Variants in CTNNA3 observed in about 807,000 individuals in gnomAD.
CTNNA3 encodes the protein catenin alpha 3, also known as catenin alpha-3.
CTNNA3 carries 76 observed loss-of-function variants against 95.7 expected under a neutral mutation model. The observed-to-expected ratio is 0.79, with a 90% CI of 0.66 to 0.96. The LOEUF is 0.96. Ranked by LOEUF, CTNNA3 falls within the 40% of genes least tolerant of loss-of-function variation. CTNNA3 has a pLI of 0.00. For missense variants in CTNNA3, 1,191 were observed against 1,089.8 expected, an observed-to-expected ratio of 1.09 and a Z score of -1.31; for synonymous variants, 431 against 374.4, an observed-to-expected ratio of 1.15 and a Z score of -1.74.
intron 7 of CTNNA3, among the ~76,000 whole-genome samples, chr10:67,000,814 G>A (rs1442267216): frequency 6.6e-6 from 1 of 152,150 alleles, no homozygotes; most frequent in African/African-American, 2.4e-5. Flanking sequence ...GAATGCCAGT[G>A]CAATTCTGTA....
chr10:66,845,729 A>AAAC (rs1297933220), intron 7 of CTNNA3, among the ~76,000 whole-genome samples: 3,815 of 87,062 alleles, frequency 0.044, 371 homozygotes, highest in Non-Finnish European at 0.08. Context: ...AAAAAAAAAA[A>AAAC]CTAAAAAGGT....
At chr10:66,528,938 G>C (rs1841364471) in intron 10 of CTNNA3, among the ~76,000 whole-genome samples, 1 of 152,026 alleles carries the variant, frequency 6.6e-6, no homozygotes, top group Non-Finnish European at 1.5e-5. Flanking sequence ...GGGTGTATCT[G>C]ACACATCATT....
intron 5 of CTNNA3, among the ~76,000 whole-genome samples, chr10:67,513,065 G>A (rs935040820): frequency 6.6e-6 from 1 of 152,044 alleles, no homozygotes; most frequent in Non-Finnish European, 1.5e-5. Context: ...GCACCTCACC[G>A]CCTAATACAG....
intron 14 of CTNNA3, among the ~76,000 whole-genome samples, chr10:66,101,074 C>T (rs1458882730): frequency 6.6e-6 from 1 of 152,144 alleles, no homozygotes; most frequent in Non-Finnish European, 1.5e-5. Flanking sequence ...CCTTCAGTGG[C>T]ATCAGCCTGA....
rs372494576 is a variant in CTNNA3, at chr10:67,091,829, T to C, written c.1047+88488A>G. ...CTGACTTAATCTAATAAGTATTCCCTAGAACAAAATAGGGACCAAGGAAGA... is the reference window on the plus strand; with the variant it reads ...CTGACTTAATCTAATAAGTATTCCCCAGAACAAAATAGGGACCAAGGAAGA... On this transcript the variant is annotated intron_variant, in intron 7 of 17. Coordinates refer to ENST00000433211, the MANE Select transcript of CTNNA3 (RefSeq NM_013266.4). 2.2e-3 allele frequency among the ~76,000 whole-genome samples: 339 copies of C among 152,110 alleles called. 1 individual carries two copies. The highest frequency in any genetic ancestry group is 7.9e-3 in the African/African-American group (326 of 41,518).
chr10:66,697,492 T>C (rs1029775023), intron 9 of CTNNA3, among the ~76,000 whole-genome samples: 2 of 152,114 alleles, frequency 1.3e-5, no homozygotes, highest in African/African-American at 2.4e-5. Flanking sequence ...TGTGTATATA[T>C]ATTAAAATAT....
chr10:66,942,572 CTCTCTGTG>C (rs1313441456), intron 7 of CTNNA3, among the ~76,000 whole-genome samples: 1 of 149,720 alleles, frequency 6.7e-6, no homozygotes, highest in African/African-American at 2.4e-5. Context: ...CTCTCTCTCT[CTCTCTGTG>C]TGTGTGTATG....
chr10:66,140,310 G>C (rs1317739990), intron 13 of CTNNA3, among the ~76,000 whole-genome samples: 1 of 152,164 alleles, frequency 6.6e-6, no homozygotes, highest in African/African-American at 2.4e-5. Context: ...ATTCTTTCCA[G>C]ATGAATGTTG....
chr10:66,179,444 C>T (rs1345502870), intron 13 of CTNNA3, among the ~76,000 whole-genome samples: 2 of 152,004 alleles, frequency 1.3e-5, no homozygotes, highest in East Asian at 3.9e-4. Flanking sequence ...TGAAAATCGC[C>T]TGTATCTTAA....
chr10:66,006,091 C>T (rs148647172), intron 15 of CTNNA3, among the ~76,000 whole-genome samples: 2,329 of 148,798 alleles, frequency 0.016, 19 homozygotes, highest in Middle Eastern at 0.032. Context: ...CGGCTCAGTG[C>T]AAGCTCTGCC....
Position 67,220,769 on chromosome 10 carries a change from A to C in CTNNA3, c.580-899T>G, listed in dbSNP as rs548155455. On this transcript the variant is annotated intron_variant, in intron 5 of 17. Transcript: ENST00000433211. ...TCAGAACTAGCTCAATATACAAGAA[A>C]AAAATCTGGCAAGCCCTACCTTAAC... 3.9e-3 allele frequency among the ~76,000 whole-genome samples: 594 copies of C among 152,280 alleles called. 5 individuals carry two copies. Among genetic ancestry groups the C allele is most frequent in the African/African-American group, 0.014 (568 of 41,554 alleles).
intron 5 of CTNNA3, among the ~76,000 whole-genome samples, chr10:67,364,005 T>C (rs1407629534): frequency 1.3e-5 from 2 of 152,172 alleles, no homozygotes; most frequent in African/African-American, 4.8e-5. Flanking sequence ...TACCAAAGCC[T>C]GGCAGAGACA....
chr10:66,926,958 A>G (rs1449999495), intron 7 of CTNNA3: 1 of 1,613,092 alleles, frequency 6.2e-7, no homozygotes, highest in Non-Finnish European at 8.5e-7. Flanking sequence ...GATCAGCTGT[A>G]GCACTGGTTA....
chr10:66,923,346 A>T (rs1312407959), intron 7 of CTNNA3, among the ~76,000 whole-genome samples: 1 of 152,198 alleles, frequency 6.6e-6, no homozygotes, highest in African/African-American at 2.4e-5. Context: ...ATGAGCAAGA[A>T]GCACAAAGTT....
chr10:66,768,847 G>C (rs145013492), intron 8 of CTNNA3, among the ~76,000 whole-genome samples: 292 of 152,150 alleles, frequency 1.9e-3, no homozygotes, highest in African/African-American at 6.9e-3. Flanking sequence ...AATGAGACTT[G>C]TCCCTTGGGC....
intron 16 of CTNNA3, among the ~76,000 whole-genome samples, chr10:65,983,777 G>A (rs959974355): frequency 2.6e-4 from 40 of 151,388 alleles, no homozygotes; most frequent in Admixed American, 2.4e-3. Context: ...GAAGGTTTTA[G>A]TTCTTCTCTT....
chr10:67,503,149 AG>A (rs1839286398), intron 5 of CTNNA3, among the ~76,000 whole-genome samples: 1 of 152,224 alleles, frequency 6.6e-6, no homozygotes, highest in Non-Finnish European at 1.5e-5. Flanking sequence ...CCATGGGAAA[AG>A]CATAGTGTCT....
At chr10:66,938,039 G>C (rs1399808498) in intron 7 of CTNNA3, among the ~76,000 whole-genome samples, 1 of 152,040 alleles carries the variant, frequency 6.6e-6, no homozygotes, top group Non-Finnish European at 1.5e-5. Context: ...ATGCATGATA[G>C]ATGTTGTTGA....
At chr10:66,677,480 T>C (rs10740249) in intron 9 of CTNNA3, among the ~76,000 whole-genome samples, 137,355 of 152,046 alleles carry the variant, frequency 0.9, 62,291 homozygotes, top group East Asian at 1. Context: ...ATGGCTGTGT[T>C]CCCACCCAAA....
Sources: gnomAD v4.1 joint callset for allele counts (sites outside exome capture counted in the v4.1 genomes callset) on GRCh38, gnomAD v4.1.1 for gene constraint, MANE v1.5 for transcripts, NCBI Gene and HGNC (gene_info 2026-07-23, HGNC 2026-07-21) for gene names.